Variants in F13B observed in about 807,000 individuals in gnomAD.
F13B encodes TGase.
Under a neutral mutation model 79.8 loss-of-function variants are expected in F13B, and 58 were observed. The observed-to-expected ratio is 0.73, with a 90% CI of 0.59 to 0.90. The LOEUF (loss-of-function observed/expected upper bound fraction) is 0.90. Ranked by LOEUF, F13B falls within the 40% of genes least tolerant of loss-of-function variation. The probability of loss-of-function intolerance (pLI) is 0.00; values close to 1 mark genes in which losing one functional copy is unlikely to be tolerated. For synonymous variants in F13B, 283 were observed against 260.3 expected, an observed-to-expected ratio of 1.09 and a Z score of -0.84; for missense variants, 773 against 777.0, an observed-to-expected ratio of 0.99 and a Z score of 0.06.
chr1:197,052,520 A>T (rs1655483928), intron 9 of F13B, 114 bp downstream of exon 9: 1 of 709,392 alleles, frequency 1.4e-6, no homozygotes, highest in Admixed American at 3.1e-5. Flanking sequence ...AAAATAAAAC[A>T]AAATTAAAAA....
intron 8 of F13B, among the ~76,000 whole-genome samples, chr1:197,055,316 A>AAT (rs1655598613): frequency 6.6e-6 from 1 of 151,990 alleles, no homozygotes; most frequent in Non-Finnish European, 1.5e-5. Context: ...ATATATTAGC[A>AAT]ATATACTCTA....
At chr1:197,052,531 GAAT>G (rs1655484764) in intron 9 of F13B, 100 bp downstream of exon 9, 14 of 752,518 alleles carry the variant, frequency 1.9e-5, no homozygotes, top group Admixed American at 5.8e-5. Context: ...AAATTAAAAA[GAAT>G]AATAATAAGA....
rs1655808227 is a variant in F13B at position 197,060,413 on chromosome 1, A to G, written c.758T>C (p.Ile253Thr). The change falls in exon 5 of 12, where the codon ATT (isoleucine) becomes ACT (threonine). Residue 253 changes from isoleucine to threonine, a missense_variant. Physicochemically the swap from Ile to Thr is moderately conservative, Grantham distance 89 (BLOSUM62 -1). Coordinates refer to ENST00000367412, the MANE Select transcript of F13B (RefSeq NM_001994.3). ...GTACCAACCAAAGTTATAGCATTGA[A>G]TTAAATCAGATCCACTTAGATAATA... ...ENYYLSGSDL[I>T]QCYNFGWYPE... 7 of 1,612,540 alleles carry G rather than the reference A, an allele frequency of 4.3e-6. No homozygotes were observed. The highest frequency in any genetic ancestry group is 5.9e-6 in the Non-Finnish European group (7 of 1,178,974).
chr1:197,058,505 T>A (rs1270592693), intron 5 of F13B, among the ~76,000 whole-genome samples: 1 of 152,180 alleles, frequency 6.6e-6, no homozygotes, highest in Non-Finnish European at 1.5e-5. Context: ...TACTTTGCCT[T>A]TTCTAGCTTC....
rs184507137 is a variant in F13B, at chr1:197,063,770, T to A, written c.65-713A>T. The stretch of plus-strand genomic sequence containing the variant: ...AATATATTGAAAATATTTTACATTC[T>A]TTTTTTTTCTAACTCTTTAAAATCC... On this transcript the variant is annotated intron_variant, in intron 1 of 11. Transcript: ENST00000367412. Among the ~76,000 whole-genome samples the A allele has an allele frequency of 1.6e-3, 247 of 151,716 alleles. 2 individuals carry two copies. The highest frequency in any genetic ancestry group is 5.7e-3 in the African/African-American group (236 of 41,380).
At chr1:197,039,843 T>G (rs1156941509) in intron 11 of F13B, among the ~76,000 whole-genome samples, 1 of 152,074 alleles carries the variant, frequency 6.6e-6, no homozygotes, top group Non-Finnish European at 1.5e-5. Context: ...TGTTTGCATT[T>G]TTTAAAACAG....
intron 6 of F13B, 30 bp from the exon 7 acceptor site, chr1:197,057,228 C>T: frequency 6.2e-7 from 1 of 1,613,842 alleles, no homozygotes; most frequent in African/African-American, 1.3e-5. Flanking sequence ...AGAGAACTGA[C>T]CATTTAGCTA....
At chr1:197,060,305 T>C (rs1045647316) in intron 5 of F13B, 61 bp downstream of exon 5, 1 of 1,303,294 alleles carries the variant, frequency 7.7e-7, no homozygotes, top group Admixed American at 1.7e-5. Context: ...TTGTCAGAGC[T>C]AATAGAGATT....
At chr1:197,063,122 G>C (rs781198414) in intron 1 of F13B, 65 bp from the exon 2 acceptor site, 4 of 1,428,526 alleles carry the variant, frequency 2.8e-6, no homozygotes, top group Non-Finnish European at 3.9e-6. Context: ...TTTGTAATCA[G>C]GTGACAATAC....
chr1:197,046,930 A>G (rs1351900211), intron 10 of F13B, among the ~76,000 whole-genome samples: 1 of 152,208 alleles, frequency 6.6e-6, no homozygotes, highest in Non-Finnish European at 1.5e-5. Context: ...TATTTCATAA[A>G]TGGTGTTGGG....
chr1:197,050,183 A>C (rs1462897590), intron 10 of F13B, among the ~76,000 whole-genome samples: 1 of 152,142 alleles, frequency 6.6e-6, no homozygotes, highest in East Asian at 1.9e-4. Flanking sequence ...GAAGTAAATA[A>C]AAGTCAGAAT....
rs1289284738 is a variant in F13B at position 197,057,195 on chromosome 1, C to A, written c.989G>T (p.Gly330Val). The A allele has an allele frequency of 1.2e-6, 2 of 1,613,730 alleles. No individual in the cohort carries two copies. Among genetic ancestry groups the A allele is most frequent in the Non-Finnish European group, 1.7e-6 (2 of 1,179,914 alleles). ...TTCCTCACAGGCTACCTTCTCCTGT[C>A]CTTCTGAAAAGGTACAGTTGAAAGA... ...KWTEPPKCIE[G>V]QEKVACEEPP... Residue 330 changes from glycine (G) to valine (V), a missense_variant, in exon 7 of 12, where the codon GGA (glycine) becomes GTA (valine). By Grantham distance (109) the Gly-to-Val change is moderately radical. Coordinates refer to ENST00000367412, the MANE Select transcript of F13B (RefSeq NM_001994.3).
chr1:197,059,270 A>C (rs1432962425), intron 5 of F13B, among the ~76,000 whole-genome samples: 6 of 152,152 alleles, frequency 3.9e-5, no homozygotes, highest in African/African-American at 1.4e-4. Flanking sequence ...TTGCTTAAAA[A>C]ATCTACTTCT....
At chr1:197,040,406 A>AT (rs1361592112) in intron 11 of F13B, 116 bp downstream of exon 11, 9 of 699,980 alleles carry the variant, frequency 1.3e-5, no homozygotes, top group Non-Finnish European at 2.2e-5. Flanking sequence ...AAATATTATT[A>AT]TTTTTTCTTT....
In F13B at chr1:197,060,497, T is replaced by C; in HGVS notation, c.674A>G (p.His225Arg). The change falls in exon 5 of 12, where the codon CAT (histidine) becomes CGT (arginine). Residue 225 changes from histidine (H) to arginine (R), a missense_variant. His to Arg is a conservative substitution (Grantham distance 29). Transcript: ENST00000367412. The stretch of plus-strand genomic sequence containing the variant: ...TTCTTCATAGGTTTGCTTTACAGGA[T>C]GAAAATAACCATTTTCAATTAATCT... ...SLRLIENGYF[H>R]PVKQTYEEGD... 1.2e-6 allele frequency: 2 copies of C among 1,604,208 alleles called. No individual in the cohort carries two copies. Among genetic ancestry groups the C allele is most frequent in the Non-Finnish European group, 1.7e-6 (2 of 1,174,742 alleles).
At chr1:197,056,058 A>G (rs897574409) in intron 7 of F13B, among the ~76,000 whole-genome samples, 161 bp from the exon 8 acceptor site, 2 of 152,166 alleles carry the variant, frequency 1.3e-5, no homozygotes, top group Non-Finnish European at 2.9e-5. Context: ...TATTTTTAAA[A>G]TTTGCTAAGC....
intron 10 of F13B, among the ~76,000 whole-genome samples, chr1:197,042,113 G>A (rs2125053348): frequency 6.6e-6 from 1 of 152,236 alleles, no homozygotes; most frequent in Middle Eastern, 3.4e-3. Flanking sequence ...GCAGGTAACT[G>A]AAACCACAGA....
At chr1:197,042,522 T>C (rs1308266250) in intron 10 of F13B, among the ~76,000 whole-genome samples, 2 of 151,370 alleles carry the variant, frequency 1.3e-5, no homozygotes, top group Non-Finnish European at 2.9e-5. Context: ...TCAGGTGAGT[T>C]CAACATCTAT....
intron 9 of F13B, among the ~76,000 whole-genome samples, chr1:197,051,569 G>A (rs1293354820): frequency 6.6e-6 from 1 of 152,060 alleles, no homozygotes; most frequent in African/African-American, 2.4e-5. Context: ...TTCTCTGATA[G>A]TCTGGCAACA....
Sources: gnomAD v4.1 joint callset for allele counts (sites outside exome capture counted in the v4.1 genomes callset) on GRCh38, gnomAD v4.1.1 for gene constraint, MANE v1.5 for transcripts, NCBI Gene and HGNC (gene_info 2026-07-23, HGNC 2026-07-21) for gene names.